Variants in RPAP3 observed in about 807,000 individuals in gnomAD.
The protein encoded by RPAP3 is RNA polymerase II-associated protein 3.
A neutral mutation model predicts 88.8 loss-of-function variants in RPAP3; 58 were observed. That is an observed-to-expected ratio of 0.65 (90% confidence interval 0.53 to 0.81). The LOEUF (loss-of-function observed/expected upper bound fraction) is 0.81. Ranked by LOEUF, RPAP3 falls within the 40% of genes least tolerant of loss-of-function variation. The pLI is 0.00. For synonymous variants in RPAP3, 255 were observed against 259.9 expected, an observed-to-expected ratio of 0.98 and a Z score of 0.18; for missense variants, 751 against 764.3, an observed-to-expected ratio of 0.98 and a Z score of 0.20.
chr12:47,697,567 GA>G, intron 4 of RPAP3, 29 bp downstream of exon 4: 11 of 1,569,040 alleles, frequency 7.0e-6, no homozygotes, highest in South Asian at 5.9e-5. Context: ...CTGCTTACAT[GA>G]AAAAAAACAA....
chr12:47,703,156 T>C (rs1592490044), intron 1 of RPAP3, among the ~76,000 whole-genome samples: 2 of 152,134 alleles, frequency 1.3e-5, no homozygotes, highest in South Asian at 4.1e-4. Context: ...ATCTCTGGAG[T>C]TGAGCGATTA....
chr12:47,705,301 C>T (rs1939765159), intron 1 of RPAP3, among the ~76,000 whole-genome samples: 1 of 152,212 alleles, frequency 6.6e-6, no homozygotes, highest in Non-Finnish European at 1.5e-5. Flanking sequence ...GGTCTTCTGA[C>T]TCGTAGCCTC....
intron 1 of RPAP3, among the ~76,000 whole-genome samples, chr12:47,704,963 A>T (rs1391459278): frequency 2.6e-5 from 4 of 151,626 alleles, no homozygotes. Context: ...TGACGGGCCC[A>T]CTACACTCCA....
chr12:47,666,997 G>T lies in RPAP3; in HGVS notation c.1895C>A (p.Ser632Ter). 1 of 1,532,454 alleles carries T rather than the reference G, an allele frequency of 6.5e-7. No individual in the cohort carries two copies. Among genetic ancestry groups the T allele is most frequent in the South Asian group, 1.3e-5 (1 of 77,988 alleles). The allele number at this position is 1,532,454 out of a possible 1,614,324, so 94.9% of individuals were successfully genotyped here. A position where few individuals can be genotyped will look rare whatever the true frequency, so the allele number is the denominator to read the frequency against. ...KRFDMAVMFM[S>*]ETEKKIARAL... ...GAACTTACTCTTTTTCTCTGTTTCT[G>T]ACATAAACATCACTGCCATATCAAA... is the stretch of plus-strand genomic sequence containing the variant. The change falls in exon 16 of 17, where the codon TCA becomes TAA. Residue 632 changes from serine to a stop codon, truncating the protein, a stop_gained. Coordinates refer to ENST00000005386, the MANE Select transcript of RPAP3 (RefSeq NM_024604.3). LOFTEE classifies it high-confidence loss of function.
intron 12 of RPAP3, among the ~76,000 whole-genome samples, chr12:47,670,926 C>T (rs1357375759): frequency 6.6e-6 from 1 of 152,246 alleles, no homozygotes; most frequent in East Asian, 1.9e-4. Context: ...CAGACAATAA[C>T]CAGCATTATG....
rs1939336596 is a variant in RPAP3, at chr12:47,686,911, T to C, written c.865-4A>G. 6.3e-6 allele frequency: 10 copies of C among 1,577,586 alleles called. No individual in the cohort carries two copies. The highest frequency in any genetic ancestry group is 1.2e-5 in the South Asian group (1 of 86,044). ...CCTCTTTGAAAAATCCATTCCCCTGTTATTTTGTAGAGAGATATGGAGAAT... is the reference window on the plus strand; with the variant it reads ...CCTCTTTGAAAAATCCATTCCCCTGCTATTTTGTAGAGAGATATGGAGAAT... On this transcript the variant is annotated splice_polypyrimidine_tract_variant and splice_region_variant and intron_variant, in intron 8 of 16. Transcript: ENST00000005386.
intron 4 of RPAP3, among the ~76,000 whole-genome samples, chr12:47,697,282 TC>T (rs1939551362): frequency 6.6e-6 from 1 of 152,194 alleles, no homozygotes; most frequent in African/African-American, 2.4e-5. Context: ...CCAGGTACAG[TC>T]CAAGCATTTT....
chr12:47,669,054 T>A lies in RPAP3; in HGVS notation c.1575A>T (p.Lys525Asn). The stretch of plus-strand genomic sequence containing the variant: ...GTTTTTGTTCTATCTCTATGGGCAT[T>A]TTCTCGCTGTAAGACTGACATACAT... ...KQDVCQSYSE[K>N]MPIEIEQKPA... The change falls in exon 14 of 17, where the codon AAA becomes AAT. Residue 525 changes from lysine (K) to asparagine (N), a missense_variant. Lys to Asn is a moderately conservative substitution (Grantham distance 94, BLOSUM62 0). Transcript: ENST00000005386. The A allele has an allele frequency of 6.2e-7, 1 of 1,614,030 alleles. No homozygotes were observed. The highest frequency in any genetic ancestry group is 8.5e-7 in the Non-Finnish European group (1 of 1,179,914).
intron 8 of RPAP3, among the ~76,000 whole-genome samples, chr12:47,687,581 T>C (rs562646041): frequency 3.9e-5 from 6 of 152,198 alleles, no homozygotes; most frequent in Non-Finnish European, 8.8e-5. Context: ...TAAGAATGGA[T>C]TGTAATTAAC....
intron 6 of RPAP3, among the ~76,000 whole-genome samples, chr12:47,690,040 T>C (rs1160385333): frequency 1.8e-5 from 2 of 112,602 alleles, no homozygotes; most frequent in Admixed American, 9.8e-5. Context: ...AGACTCTGTC[T>C]CAAAAAAAAA....
At chr12:47,697,449 T>C (rs1017802167) in intron 4 of RPAP3, 148 bp downstream of exon 4, 5 of 632,114 alleles carry the variant, frequency 7.9e-6, no homozygotes, top group South Asian at 4.8e-5. Flanking sequence ...CTAACCACCA[T>C]GTTACAATGC....
chr12:47,704,383 T>G (rs565803503), intron 1 of RPAP3, among the ~76,000 whole-genome samples: 17 of 152,080 alleles, frequency 1.1e-4, no homozygotes, highest in Non-Finnish European at 1.8e-4. Flanking sequence ...TTGTTTTTTT[T>G]CTTGAGACAG....
intron 14 of RPAP3, 128 bp from the exon 15 acceptor site, chr12:47,667,979 G>A: frequency 3.5e-6 from 2 of 566,482 alleles, no homozygotes; most frequent in Non-Finnish European, 6.2e-6. Context: ...AGGATCACCT[G>A]AGGTTGGGAG....
In RPAP3 at chr12:47,701,258, C is replaced by T. The variant is rs1197542411; in HGVS notation, c.294+206G>A. 6 of 368,080 alleles carry T rather than the reference C, an allele frequency of 1.6e-5. No individual in the cohort carries two copies. In the South Asian group the frequency reaches 4.3e-4, roughly 26 times the overall value. The allele number at this position is 368,080 out of a possible 1,614,324, so 22.8% of individuals were successfully genotyped here. A position where few individuals can be genotyped will look rare whatever the true frequency, so the allele number is the denominator to read the frequency against. ...ATAAAATCCTGGCTGTTTTAGCCACCATTTGCTGAAAGAGGATTGCAGAAA... is the reference window on the plus strand; with the variant it reads ...ATAAAATCCTGGCTGTTTTAGCCACTATTTGCTGAAAGAGGATTGCAGAAA... On this transcript the variant is annotated intron_variant, in intron 3 of 16. Coordinates refer to ENST00000005386, the MANE Select transcript of RPAP3 (RefSeq NM_024604.3).
chr12:47,684,832 G>A (rs1177256129), intron 9 of RPAP3, among the ~76,000 whole-genome samples: 2 of 152,160 alleles, frequency 1.3e-5, no homozygotes, highest in African/African-American at 2.4e-5. Flanking sequence ...AGCAAGAGAT[G>A]CAATGATCTT....
At chr12:47,691,161 C>G (rs1267662093) in intron 5 of RPAP3, among the ~76,000 whole-genome samples, 1 of 152,042 alleles carries the variant, frequency 6.6e-6, no homozygotes, top group African/African-American at 2.4e-5. Flanking sequence ...ATATTGGAGT[C>G]AATCCTCTCA....
chr12:47,684,529 A>C (rs902193123), intron 9 of RPAP3, among the ~76,000 whole-genome samples: 4 of 152,182 alleles, frequency 2.6e-5, no homozygotes, highest in Non-Finnish European at 5.9e-5. Context: ...AAAAATTCTG[A>C]TATTAACTGT....
intron 10 of RPAP3, among the ~76,000 whole-genome samples, chr12:47,681,345 T>C (rs1360054878): frequency 1.3e-5 from 2 of 152,210 alleles, no homozygotes; most frequent in African/African-American, 4.8e-5. Context: ...GCTTCAAGCA[T>C]ATCACACAGT....
At chr12:47,676,975 T>C (rs1241038654) in intron 12 of RPAP3, among the ~76,000 whole-genome samples, 2 of 152,052 alleles carry the variant, frequency 1.3e-5, no homozygotes, top group Admixed American at 6.5e-5. Flanking sequence ...CTGATGAACA[T>C]CAATGTGAAA....
Sources: allele counts gnomAD v4.1 joint callset (sites outside exome capture counted in the v4.1 genomes callset), GRCh38; gene constraint gnomAD v4.1.1; transcripts MANE v1.5; gene names NCBI Gene and HGNC (gene_info 2026-07-23, HGNC 2026-07-21).